Variants in BCL7C observed in about 807,000 individuals in gnomAD.
The protein encoded by BCL7C is BAF chromatin remodeling complex subunit BCL7C.
A neutral mutation model predicts 26.2 loss-of-function variants in BCL7C; 8 were observed. The observed-to-expected ratio is 0.30, with a 90% CI of 0.18 to 0.55. BCL7C has a LOEUF of 0.55. Ranked by LOEUF, BCL7C falls within the 20% of genes least tolerant of loss-of-function variation. The pLI is 0.93. For synonymous variants in BCL7C, 90 were observed against 116.5 expected (o/e 0.77, Z 1.47); for missense variants, 262 against 298.5 (o/e 0.88, Z 0.90).
At chr16:30,876,798 T>A (rs1014858440) in intron 5 of BCL7C, among the ~76,000 whole-genome samples, 3 of 152,066 alleles carry the variant, frequency 2.0e-5, no homozygotes, top group African/African-American at 7.2e-5. Context: ...GTTCTATGCA[T>A]GAGTTGGAAG....
chr16:30,842,073 C>A (rs186909425), intron 5 of BCL7C, among the ~76,000 whole-genome samples: 169 of 152,174 alleles, frequency 1.1e-3, no homozygotes, highest in Non-Finnish European at 1.2e-3. Context: ...TGTTCACCCC[C>A]CTTTGTTCAG....
chr16:30,873,403 T>C (rs2054898057), intron 5 of BCL7C, among the ~76,000 whole-genome samples: 1 of 152,184 alleles, frequency 6.6e-6, no homozygotes, highest in Non-Finnish European at 1.5e-5. Context: ...ATGGGTATGG[T>C]TTCTTTTAGG....
At chr16:30,886,877 A>G (rs949469533), downstream of BCL7C, among the ~76,000 whole-genome samples, 1 of 152,138 alleles carries the variant, frequency 6.6e-6, no homozygotes, top group Non-Finnish European at 1.5e-5. Flanking sequence ...GTTATTATGT[A>G]TGAAACGTGA....
Position 30,893,719 on chromosome 16 carries a change from T to C in BCL7C, c.92+134A>G. ...AGCCAGGCGAACGGGGACAGAGCCC[T>C]GTGGATCCAGGGCAAAGCTAGTGGG... On this transcript the variant is annotated intron_variant, in intron 1 of 5. Coordinates refer to ENST00000215115, the MANE Select transcript of BCL7C (RefSeq NM_004765.4). This position sits in a 1 kb window ranked among gnomAD's most constrained non-coding sequence, Gnocchi z 5.2. The C allele has an allele frequency of 1.3e-6, 1 of 742,890 alleles. No homozygotes were observed. The highest frequency in any genetic ancestry group is 2.3e-6 in the Non-Finnish European group (1 of 440,796). 46.0% of individuals were successfully genotyped at this position (742,890 alleles called of 1,614,324 possible).
intron 5 of BCL7C, among the ~76,000 whole-genome samples, chr16:30,837,084 G>A (rs1166807091): frequency 1.3e-5 from 2 of 151,642 alleles, no homozygotes; most frequent in African/African-American, 4.8e-5. Flanking sequence ...ATGAGCCACC[G>A]CGCCCGGCCG....
In BCL7C at chr16:30,892,567, G is replaced by A; in HGVS notation, c.442+19C>T. 1 of 1,536,152 alleles carries A rather than the reference G, an allele frequency of 6.5e-7. No individual in the cohort carries two copies. The stretch of plus-strand genomic sequence containing the variant: ...ACAGGACTTAGAGGAGAGAGCTCCT[G>A]GGAGGTACCTGGTCCTACCTCTCTC... On this transcript the variant is annotated intron_variant, in intron 4 of 5. Transcript: ENST00000215115.
chr16:30,871,728 G>C (rs1163611803), intron 5 of BCL7C, among the ~76,000 whole-genome samples: 2 of 152,082 alleles, frequency 1.3e-5, no homozygotes, highest in Non-Finnish European at 2.9e-5. Context: ...CAGGTGATCT[G>C]CCTACCTTGG....
Position 30,893,150 on chromosome 16 carries a change from T to A in BCL7C, c.171+62A>T. On this transcript the variant is annotated intron_variant, in intron 2 of 5. Coordinates refer to ENST00000215115, the MANE Select transcript of BCL7C (RefSeq NM_004765.4). This position sits in a 1 kb window ranked among gnomAD's most constrained non-coding sequence, Gnocchi z 5.2. Reference sequence around the variant, plus strand: ...GGGGAGCTGGAGGTAGAGGTCAGCGTGGGGAGGAACTTGCCTGAGGTTGCA... The same window carrying A: ...GGGGAGCTGGAGGTAGAGGTCAGCGAGGGGAGGAACTTGCCTGAGGTTGCA... 6.5e-7 allele frequency: 1 copy of A among 1,538,242 alleles called. No individual in the cohort carries two copies. The highest frequency in any genetic ancestry group is 1.2e-5 in the South Asian group (1 of 85,626).
downstream of BCL7C, among the ~76,000 whole-genome samples, chr16:30,886,985 C>T (rs2055142940): frequency 6.6e-6 from 1 of 152,126 alleles, no homozygotes; most frequent in Non-Finnish European, 1.5e-5. Flanking sequence ...CCAGCCTGGG[C>T]AATGTAGCGA....
chr16:30,892,169 AG>A (rs2055250609), intron 4 of BCL7C, among the ~76,000 whole-genome samples: 1 of 134,068 alleles, frequency 7.5e-6, no homozygotes, highest in South Asian at 2.6e-4. Flanking sequence ...TGGGAGGCTG[AG>A]GCGGGAGGAT....
rs533064710 is a variant in BCL7C at position 30,844,041 on chromosome 16, C to CA, written c.529-8894dup. 6.7e-3 allele frequency among the ~76,000 whole-genome samples: 163 copies of CA among 24,376 alleles called. 19 individuals carry two copies. Among genetic ancestry groups the CA allele is most frequent in the East Asian group, 0.016 (8 of 508 alleles). 16.0% of individuals were successfully genotyped at this position (24,376 alleles called of 152,430 possible). ...TTGGCGACAAAGCGAGACTCTGCCT[C>CA]AAAAAAAAAAAAAAAAAAAAAAAAA... is the stretch of plus-strand genomic sequence containing the variant. On this transcript the variant is annotated intron_variant, in intron 5 of 5. Coordinates refer to the BCL7C transcript ENST00000380317.
intron 5 of BCL7C, among the ~76,000 whole-genome samples, chr16:30,844,799 A>G (rs1211759536): frequency 6.6e-6 from 1 of 152,196 alleles, no homozygotes; most frequent in Non-Finnish European, 1.5e-5. Flanking sequence ...GTCACCCTCC[A>G]GTACCTGCTC....
At chr16:30,890,242 A>G (rs2055205283) in intron 4 of BCL7C, among the ~76,000 whole-genome samples, 1 of 151,738 alleles carries the variant, frequency 6.6e-6, no homozygotes, top group Non-Finnish European at 1.5e-5. Flanking sequence ...AAAAATACAA[A>G]AATTAGCCGG....
At chr16:30,873,799 C>G (rs1427049292) in intron 5 of BCL7C, among the ~76,000 whole-genome samples, 1 of 145,780 alleles carries the variant, frequency 6.9e-6, no homozygotes, top group Non-Finnish European at 1.5e-5. Context: ...TGCAGTGAGC[C>G]GAGATCGAGT....
intron 5 of BCL7C, 25 bp downstream of exon 5, chr16:30,888,835 A>C (rs776248501): frequency 1.2e-6 from 2 of 1,610,980 alleles, no homozygotes; most frequent in Non-Finnish European, 8.5e-7. Flanking sequence ...AAGACCCAGG[A>C]GTCCAGCCTT....
chr16:30,858,768 G>T (rs1567312340), intron 5 of BCL7C, among the ~76,000 whole-genome samples: 1 of 152,124 alleles, frequency 6.6e-6, no homozygotes, highest in Non-Finnish European at 1.5e-5. Flanking sequence ...CAAACAACAG[G>T]AGCCCCAAAA....
chr16:30,860,988 C>T (rs955083914), intron 5 of BCL7C, among the ~76,000 whole-genome samples: 2 of 152,172 alleles, frequency 1.3e-5, no homozygotes, highest in Non-Finnish European at 2.9e-5. Flanking sequence ...TAGCCCTCCC[C>T]CATCTGCCCA....
intron 5 of BCL7C, among the ~76,000 whole-genome samples, chr16:30,881,392 TCACACACACACA>T (rs72155482): frequency 9.0e-5 from 13 of 144,220 alleles, no homozygotes; most frequent in East Asian, 2.1e-4. Flanking sequence ...TGAGACTCCG[TCACACACACACA>T]CACACACACA....
chr16:30,888,984 C>A (rs760997942), intron 4 of BCL7C, 39 bp from the exon 5 acceptor site: 1 of 1,592,478 alleles, frequency 6.3e-7, no homozygotes, highest in Non-Finnish European at 8.6e-7. Flanking sequence ...TGAACAGCCA[C>A]TCTGTGCCAG....
Sources: gnomAD v4.1 joint callset for allele counts (sites outside exome capture counted in the v4.1 genomes callset) on GRCh38, gnomAD v4.1.1 for gene constraint, Gnocchi (gnomAD v3.1) non-coding constraint, MANE v1.5 for transcripts, NCBI Gene and HGNC (gene_info 2026-07-23, HGNC 2026-07-21) for gene names.